Variants in PUS7L observed in about 807,000 individuals in gnomAD.
The protein encoded by PUS7L is pseudouridylate synthase PUS7L.
Under a neutral mutation model 51.1 loss-of-function variants are expected in PUS7L, and 49 were observed. The observed-to-expected ratio is 0.96, with a 90% confidence interval of 0.76 to 1.22. The LOEUF is 1.22. Among genes scored for constraint, PUS7L ranks in the 50% most tolerant of loss-of-function variants. The probability of loss-of-function intolerance (pLI) is 0.00; values close to 1 mark genes in which losing one functional copy is unlikely to be tolerated. For synonymous variants in PUS7L, 277 were observed against 276.2 expected (o/e 1.00, Z -0.03); for missense variants, 828 against 820.6 (o/e 1.01, Z -0.11).
At position 43,754,628 on chromosome 12, in the gene PUS7L, A is replaced by G; in HGVS notation, c.618T>C (p.Leu206=). Residue 206 remains leucine, a synonymous_variant, in exon 2 of 9, where the codon CTT becomes CTC. Transcript: ENST00000344862. The part of the protein sequence containing the change: ...VVKPNLEYKE[L]CHLVSEEEAF... ...CTTCCTCTTCAGATACCAAATGACA[A>G]AGTTCTTTATATTCAAGATTTGGTT... The G allele has an allele frequency of 6.2e-7, 1 of 1,613,476 alleles. No individual in the cohort carries two copies. Among genetic ancestry groups the G allele is most frequent in the Non-Finnish European group, 8.5e-7 (1 of 1,179,760 alleles).
At chr12:43,756,960 C>A (rs996097234) in intron 1 of PUS7L, among the ~76,000 whole-genome samples, 18 of 152,300 alleles carry the variant, frequency 1.2e-4, no homozygotes, top group Non-Finnish European at 2.6e-4. Flanking sequence ...CCAAGGACAT[C>A]TAAGATTAGG....
At chr12:43,757,051 GTTTTGTGCTAAC>G (rs1416960330) in intron 1 of PUS7L, among the ~76,000 whole-genome samples, 1 of 152,166 alleles carries the variant, frequency 6.6e-6, no homozygotes, top group Non-Finnish European at 1.5e-5. Flanking sequence ...TTCTTCAATA[GTTTTGTGCTAAC>G]TGTTCCTGTT....
chr12:43,745,749 G>A (rs1938133812), intron 4 of PUS7L, among the ~76,000 whole-genome samples: 1 of 136,680 alleles, frequency 7.3e-6, no homozygotes, highest in Non-Finnish European at 1.7e-5. Context: ...TATAGCAGAT[G>A]CTTAAAAAAA....
chr12:43,755,188 G>A lies in PUS7L; in HGVS notation c.58C>T (p.His20Tyr). 1 of 1,610,832 alleles carries A rather than the reference G, an allele frequency of 6.2e-7. No individual in the cohort carries two copies. Among genetic ancestry groups the A allele is most frequent in the Non-Finnish European group, 8.5e-7 (1 of 1,178,482 alleles). The change falls in exon 2 of 9, where the codon CAC becomes TAC. Residue 20 changes from histidine to tyrosine, a missense_variant. Transcript: ENST00000344862. ...RFSSLCFFND[H>Y]VGFHGTIKSS... ...TTTATAGTGCCATGAAATCCAACGTGATCATTAAAGAAACACAAAGAACTA... is the reference window on the plus strand; with the variant it reads ...TTTATAGTGCCATGAAATCCAACGTAATCATTAAAGAAACACAAAGAACTA...
Position 43,721,576 on chromosome 12 carries a change from G to T in PUS7L, c.*8800C>A, listed in dbSNP as rs1228043765. ...ATGTCAGGCACTGATAGGTGCCAGA[G>T]GTATAAAGATCAATGCTCTTGAATA... On this transcript the variant is annotated 3_prime_UTR_variant, in exon 9 of 9. Coordinates refer to ENST00000344862, the MANE Select transcript of PUS7L (RefSeq NM_031292.5). 1 of 152,082 alleles carries T rather than the reference G, an allele frequency of 6.6e-6. No homozygotes were observed. Among genetic ancestry groups the T allele is most frequent in the East Asian group, 1.9e-4 (1 of 5,190 alleles). The allele number at this position is 152,082 out of a possible 1,614,324, so 9.4% of individuals were successfully genotyped here.
intron 2 of PUS7L, among the ~76,000 whole-genome samples, chr12:43,749,074 G>A (rs1031084020): frequency 6.6e-6 from 1 of 152,166 alleles, no homozygotes; most frequent in African/African-American, 2.4e-5. Flanking sequence ...GATTTCAGCT[G>A]TTATTTTTAA....
chr12:43,721,409 T>C lies in PUS7L; in HGVS notation c.*8967A>G, dbSNP rs1242939007. On this transcript the variant is annotated 3_prime_UTR_variant, in exon 9 of 9. Transcript: ENST00000344862. ...TGAAAGTATTACAAAAGAAAAAGCA[T>C]TATAAAGATACCCAATTTTAATACT... The C allele has an allele frequency of 6.6e-6, 1 of 152,172 alleles. No homozygotes were observed. The highest frequency in any genetic ancestry group is 2.4e-5 in the African/African-American group (1 of 41,444). 9.4% of individuals were successfully genotyped at this position (152,172 alleles called of 1,614,324 possible). A position where few individuals can be genotyped will look rare whatever the true frequency, so the allele number is the denominator to read the frequency against.
intron 2 of PUS7L, among the ~76,000 whole-genome samples, chr12:43,752,228 C>A (rs1248099904): frequency 6.6e-6 from 1 of 152,130 alleles, no homozygotes; most frequent in African/African-American, 2.4e-5. Flanking sequence ...GGCTCATTTA[C>A]GTGGCTGGAA....
Position 43,730,316 on chromosome 12 carries a change from A to G in PUS7L, c.*60T>C, listed in dbSNP as rs1944518935. The G allele has an allele frequency of 7.7e-7, 1 of 1,295,848 alleles. No homozygotes were observed. Among genetic ancestry groups the G allele is most frequent in the Non-Finnish European group, 1.1e-6 (1 of 917,648 alleles). 80.3% of individuals were successfully genotyped at this position (1,295,848 alleles called of 1,614,324 possible). A position where few individuals can be genotyped will look rare whatever the true frequency, so the allele number is the denominator to read the frequency against. ...CTAACACATGGAAGGTGCTTAAGAC[A>G]TTTTAGCCCCCTTTCCTTCAAAGAG... On this transcript the variant is annotated 3_prime_UTR_variant, in exon 9 of 9. Transcript: ENST00000344862.
At position 43,753,651 on chromosome 12, in the gene PUS7L, T is replaced by C. The variant is rs568662122; in HGVS notation, c.910+685A>G. Among the ~76,000 whole-genome samples the C allele has an allele frequency of 1.4e-4, 21 of 152,306 alleles. No individual in the cohort carries two copies. The South Asian group carries it at 3.3e-3, about 24-fold the overall frequency. ...GCTGGACTTTTACAGTGAGAGTTCA[T>C]CAGTTCCAGCCACCATGGGAATTAA... is the stretch of plus-strand genomic sequence containing the variant. On this transcript the variant is annotated intron_variant, in intron 2 of 8. Coordinates refer to ENST00000344862, the MANE Select transcript of PUS7L (RefSeq NM_031292.5).
At chr12:43,732,344 G>A (rs1325394235) in intron 7 of PUS7L, among the ~76,000 whole-genome samples, 1 of 151,860 alleles carries the variant, frequency 6.6e-6, no homozygotes, top group Non-Finnish European at 1.5e-5. Context: ...CTACATAGGA[G>A]ACCCAGGCAA....
rs543141630 is a variant in PUS7L at position 43,744,100 on chromosome 12, CAG to C, written c.1264-1547_1264-1546del. 2.1e-3 allele frequency among the ~76,000 whole-genome samples: 324 copies of C among 152,166 alleles called. 3 individuals carry two copies. The highest frequency in any genetic ancestry group is 3.7e-3 in the South Asian group (18 of 4,820). ...ATGTTCATAAATAACAAATGAAAGA[CAG>C]GGAATAAATGCTACCAGAGTTCAAA... On this transcript the variant is annotated intron_variant, in intron 4 of 8. Transcript: ENST00000344862.
Position 43,730,670 on chromosome 12 carries a change from C to G in PUS7L, c.1812G>C (p.Gln604His). 1.2e-6 allele frequency: 2 copies of G among 1,610,422 alleles called. No homozygotes were observed. Among genetic ancestry groups the G allele is most frequent in the Non-Finnish European group, 1.7e-6 (2 of 1,177,240 alleles). ...ACTGCCCTACTTTGTTCTTCGGGTA[C>G]TGAATATTGTATCCAAGTACTGGAA... ...VVLPVLGYNI[Q>H]YPKNKVGQWY... The change falls in exon 9 of 9, where the codon CAG becomes CAC. Residue 604 changes from glutamine to histidine, a missense_variant. Coordinates refer to ENST00000344862, the MANE Select transcript of PUS7L (RefSeq NM_031292.5).
intron 7 of PUS7L, among the ~76,000 whole-genome samples, chr12:43,732,526 C>T (rs73278501): frequency 0.016 from 2,386 of 152,124 alleles, 72 homozygotes; most frequent in African/African-American, 0.053. Flanking sequence ...ACAGGTGTCA[C>T]ATACAAGAGG....
At chr12:43,739,379 G>A (rs1292931569) in intron 5 of PUS7L, 1 of 152,124 alleles carries the variant, frequency 6.6e-6, no homozygotes, top group East Asian at 1.9e-4. Context: ...TAACTTTCAG[G>A]TTAGGATTAA....
At chr12:43,740,783 T>A (rs1336110369) in intron 5 of PUS7L, 1 of 152,258 alleles carries the variant, frequency 6.6e-6, no homozygotes, top group African/African-American at 2.4e-5. Flanking sequence ...AAAGACACTG[T>A]GGTATCTGTT....
chr12:43,735,167 A>G (rs1430703417), intron 7 of PUS7L, among the ~76,000 whole-genome samples: 1 of 151,816 alleles, frequency 6.6e-6, no homozygotes, highest in African/African-American at 2.4e-5. Context: ...TAAAAAAAAA[A>G]TTAGCCAGGC....
intron 5 of PUS7L, among the ~76,000 whole-genome samples, chr12:43,741,965 T>C (rs1042138416): frequency 6.6e-6 from 1 of 152,140 alleles, no homozygotes; most frequent in East Asian, 1.9e-4. Flanking sequence ...ATATAAAAAA[T>C]ATAAATTAAA....
intron 2 of PUS7L, among the ~76,000 whole-genome samples, chr12:43,752,689 T>C (rs1440150428): frequency 6.6e-6 from 1 of 152,082 alleles, no homozygotes; most frequent in East Asian, 1.9e-4. Flanking sequence ...GTCTAATCCA[T>C]AGAGACAGAA....
Sources: gnomAD v4.1 joint callset for allele counts (sites outside exome capture counted in the v4.1 genomes callset) on GRCh38, gnomAD v4.1.1 for gene constraint, MANE v1.5 for transcripts, NCBI Gene and HGNC (gene_info 2026-07-23, HGNC 2026-07-21) for gene names.